The following PXDNL variants were observed in gnomAD, a reference collection of about 807,000 sequenced individuals.
The protein encoded by PXDNL is peroxidasin like.
In PXDNL, 145 loss-of-function variants were observed where a neutral mutation model predicts 150.8. That is an observed-to-expected ratio of 0.96 (90% CI 0.84 to 1.10). PXDNL has a LOEUF of 1.10. PXDNL is among the 50% of genes least tolerant of loss of function. The pLI is 0.00. For missense variants in PXDNL, 2,087 were observed against 1,873.9 expected (o/e 1.11, Z -2.10); for synonymous variants, 757 against 725.7 (o/e 1.04, Z -0.69).
At chr8:51,501,047 G>GT (rs534652615) in intron 4 of PXDNL, among the ~76,000 whole-genome samples, 1 of 152,118 alleles carries the variant, frequency 6.6e-6, no homozygotes, top group South Asian at 2.1e-4. Context: ...CACTGGAAAG[G>GT]TATGATTGTT....
chr8:51,339,934 G>A (rs1314604083), intron 20 of PXDNL, 181 bp from the exon 21 acceptor site: 2 of 515,736 alleles, frequency 3.9e-6, no homozygotes, highest in African/African-American at 2.0e-5. Context: ...TGGCAGATAA[G>A]ATGATAATCC....
At chr8:51,694,517 C>T (rs1816075032) in intron 1 of PXDNL, among the ~76,000 whole-genome samples, 1 of 152,238 alleles carries the variant, frequency 6.6e-6, no homozygotes. Context: ...AAGAGAGCTG[C>T]TGATGCCTTA....
intron 21 of PXDNL, among the ~76,000 whole-genome samples, chr8:51,321,803 G>A (rs1563356459): frequency 6.6e-6 from 1 of 152,100 alleles, no homozygotes; most frequent in Non-Finnish European, 1.5e-5. Flanking sequence ...TTATAGCAGT[G>A]TGAGAATGAA....
At chr8:51,566,198 T>G (rs1364699110) in intron 3 of PXDNL, among the ~76,000 whole-genome samples, 1 of 151,920 alleles carries the variant, frequency 6.6e-6, no homozygotes, top group Non-Finnish European at 1.5e-5. Context: ...TAATATTTTG[T>G]TGAGGATTCT....
intron 1 of PXDNL, among the ~76,000 whole-genome samples, chr8:51,748,289 A>G (rs1460264427): frequency 6.6e-6 from 1 of 152,246 alleles, no homozygotes; most frequent in African/African-American, 2.4e-5. Flanking sequence ...CTCCAAATGA[A>G]TAAGGTGAAC....
intron 4 of PXDNL, among the ~76,000 whole-genome samples, chr8:51,524,236 C>T (rs1811720902): frequency 6.6e-6 from 1 of 152,176 alleles, no homozygotes; most frequent in Admixed American, 6.5e-5. Context: ...TTTTCATCCT[C>T]TGAAAAGCTG....
At chr8:51,708,358 T>G (rs1163084357) in intron 1 of PXDNL, among the ~76,000 whole-genome samples, 1 of 152,224 alleles carries the variant, frequency 6.6e-6, no homozygotes, top group Non-Finnish European at 1.5e-5. Flanking sequence ...ATTTATCTTT[T>G]TATCTTCCAT....
intron 4 of PXDNL, among the ~76,000 whole-genome samples, chr8:51,539,225 TTTA>T (rs1812157976): frequency 6.6e-6 from 1 of 152,120 alleles, no homozygotes; most frequent in African/African-American, 2.4e-5. Flanking sequence ...TTGAGATGTT[TTTA>T]TTATTTTTAT....
intron 1 of PXDNL, among the ~76,000 whole-genome samples, chr8:51,718,437 C>G (rs1414299978): frequency 6.6e-6 from 1 of 152,244 alleles, no homozygotes; most frequent in African/African-American, 2.4e-5. Flanking sequence ...GTAATTCAAT[C>G]ATGCATATAC....
chr8:51,735,284 C>T (rs995260272), intron 1 of PXDNL, among the ~76,000 whole-genome samples: 2 of 151,746 alleles, frequency 1.3e-5, no homozygotes, highest in African/African-American at 4.8e-5. Flanking sequence ...AGTTTGAGAT[C>T]AGCCTGGTCA....
At chr8:51,787,197 T>C (rs555038965) in intron 1 of PXDNL, among the ~76,000 whole-genome samples, 1 of 152,232 alleles carries the variant, frequency 6.6e-6, no homozygotes, top group East Asian at 1.9e-4. Context: ...AGGAGATTAA[T>C]GATGTTTTTC....
intron 17 of PXDNL, among the ~76,000 whole-genome samples, chr8:51,388,040 T>C (rs1807775582): frequency 1.3e-5 from 2 of 152,178 alleles, no homozygotes; most frequent in Admixed American, 1.3e-4. Flanking sequence ...GGCATGCTAA[T>C]TTCAGCTAAT....
intron 17 of PXDNL, among the ~76,000 whole-genome samples, chr8:51,375,546 A>G (rs1016571284): frequency 2.0e-5 from 3 of 152,214 alleles, no homozygotes; most frequent in South Asian, 2.1e-4. Context: ...TATAGTATTC[A>G]TACTTCCTTT....
Position 51,384,308 on chromosome 8 carries a change from G to A in PXDNL, c.3558-9577C>T, listed in dbSNP as rs1202000188. Among the ~76,000 whole-genome samples the A allele has an allele frequency of 2.6e-5, 4 of 151,754 alleles. No individual in the cohort carries two copies. In the South Asian group the frequency reaches 8.3e-4, roughly 32 times the overall value. ...TGAAAACATCCTACCCCACTAGCAT[G>A]ATTAGTCAGATCAGACACATGGTAC... On this transcript the variant is annotated intron_variant, in intron 17 of 22. Transcript: ENST00000356297.
chr8:51,435,892 G>A (rs576930104), intron 12 of PXDNL: 20 of 467,706 alleles, frequency 4.3e-5, no homozygotes, highest in Admixed American at 1.2e-4. Context: ...AAAATGGATC[G>A]TAAGCATAAA....
intron 1 of PXDNL, among the ~76,000 whole-genome samples, chr8:51,725,018 C>T (rs1346640094): frequency 6.6e-6 from 1 of 151,968 alleles, no homozygotes; most frequent in African/African-American, 2.4e-5. Context: ...GATGGGGTCT[C>T]ACTCTGTCAC....
At chr8:51,495,764 G>T (rs1585524505) in intron 5 of PXDNL, among the ~76,000 whole-genome samples, 4 of 152,218 alleles carry the variant, frequency 2.6e-5, no homozygotes, top group South Asian at 4.1e-4. Context: ...CCAATAACAG[G>T]CTCTGAAAGT....
chr8:51,330,552 C>G (rs1805649850), intron 21 of PXDNL, among the ~76,000 whole-genome samples: 1 of 147,784 alleles, frequency 6.8e-6, no homozygotes, highest in Non-Finnish European at 1.5e-5. Context: ...TCTCACAGCT[C>G]TAGAGGCTGA....
At chr8:51,396,645 T>C (rs772929463) in intron 17 of PXDNL, among the ~76,000 whole-genome samples, 2 of 152,100 alleles carry the variant, frequency 1.3e-5, no homozygotes, top group Admixed American at 6.6e-5. Context: ...TAATCCCAGA[T>C]ACTCGGGAGG....
Sources: allele counts gnomAD v4.1 joint callset (sites outside exome capture counted in the v4.1 genomes callset), GRCh38; gene constraint gnomAD v4.1.1; transcripts MANE v1.5; gene names NCBI Gene and HGNC (gene_info 2026-07-23, HGNC 2026-07-21).